CUX1: variants seen among roughly 807,000 people sequenced by gnomAD.
The protein encoded by CUX1 is cut like homeobox 1.
Under a neutral mutation model 158.8 loss-of-function variants are expected in CUX1, and 31 were observed. The ratio of observed to expected loss-of-function variants is 0.20; its 90% CI spans 0.15 to 0.26. The LOEUF (loss-of-function observed/expected upper bound fraction) is 0.26. Ranked by LOEUF, CUX1 falls within the 10% of genes least tolerant of loss-of-function variation. The pLI is 1.00. For synonymous variants in CUX1, 879 were observed against 862.1 expected, an observed-to-expected ratio of 1.02 and a Z score of -0.34; for missense variants, 1,589 against 2,014.6, an observed-to-expected ratio of 0.79 and a Z score of 4.04.
In CUX1 at chr7:102,256,451, C is replaced by T. The variant is rs1442650158; in HGVS notation, c.*7409C>T. 1.0e-6 allele frequency: 1 copy of T among 985,382 alleles called. No individual in the cohort carries two copies. The allele number at this position is 985,382 out of a possible 1,614,324, so 61.0% of individuals were successfully genotyped here. ...TCACTCTAGTGGTTACTATCCTCTG[C>T]CTTCCTCTCCTCCCCTACTCCCCCA... On this transcript the variant is annotated 3_prime_UTR_variant, in exon 24 of 24. Transcript: ENST00000292535.
chr7:102,103,235 C>T (rs73408043), intron 5 of CUX1, among the ~76,000 whole-genome samples: 2,424 of 152,286 alleles, frequency 0.016, 54 homozygotes, highest in African/African-American at 0.056. Flanking sequence ...GCACACAGCC[C>T]ATGACCACCA....
At chr7:101,994,338 C>T (rs959871138) in intron 2 of CUX1, among the ~76,000 whole-genome samples, 2 of 152,224 alleles carry the variant, frequency 1.3e-5, no homozygotes, top group East Asian at 3.8e-4. Context: ...GGCAGTAGCT[C>T]ATGCCTCTAA....
At chr7:101,911,458 C>A (rs1219690663) in intron 1 of CUX1, among the ~76,000 whole-genome samples, 1 of 152,066 alleles carries the variant, frequency 6.6e-6, no homozygotes, top group Non-Finnish European at 1.5e-5. Flanking sequence ...CAACCTGAGC[C>A]TTGGCAATTG....
chr7:101,984,089 AATATAT>A (rs1195893037), intron 2 of CUX1, among the ~76,000 whole-genome samples: 18 of 29,814 alleles, frequency 6.0e-4, no homozygotes, highest in African/African-American at 1.1e-3. Context: ...AAAAAAAAAA[AATATAT>A]ATATATATAT....
chr7:101,895,681 G>C (rs1305630242), intron 1 of CUX1, among the ~76,000 whole-genome samples: 1 of 152,112 alleles, frequency 6.6e-6, no homozygotes, highest in Non-Finnish European at 1.5e-5. Context: ...CTGAAGTCCT[G>C]AATCCCTTCA....
rs1213438024 is a variant in CUX1 at position 102,028,120 on chromosome 7, C to T, written c.164C>T (p.Pro55Leu). The T allele has an allele frequency of 2.5e-6, 4 of 1,612,328 alleles. No homozygotes were observed. The highest frequency in any genetic ancestry group is 1.3e-5 in the African/African-American group (1 of 74,850). ...TPEDLRKQVAPLLKSFQGEID... is the reference protein window; with the variant it reads ...TPEDLRKQVALLLKSFQGEID... ...CAGGATTTGCGCAAGCAGGTAGCGCCGCTGCTGAAGAGTTTCCAAGGAGAG... is the reference window on the plus strand; with the variant it reads ...CAGGATTTGCGCAAGCAGGTAGCGCTGCTGCTGAAGAGTTTCCAAGGAGAG... Residue 55 changes from proline (P) to leucine (L), a missense_variant, in exon 3 of 24, where the codon CCG becomes CTG. Physicochemically the swap from Pro to Leu is moderately conservative, Grantham distance 98 (BLOSUM62 -3). Around this residue, in one of 8 missense-constraint regions of CUX1, gnomAD observed 63 missense variants for 109.2 expected, o/e 0.58. Coordinates refer to ENST00000292535, the MANE Select transcript of CUX1 (RefSeq NM_181552.4).
At chr7:101,974,836 C>G (rs1812445125) in intron 2 of CUX1, among the ~76,000 whole-genome samples, 2 of 152,126 alleles carry the variant, frequency 1.3e-5, no homozygotes, top group East Asian at 3.8e-4. Context: ...GCGAGGAAGG[C>G]ATCTCAGGAG....
intron 23 of CUX1, among the ~76,000 whole-genome samples, chr7:102,246,457 C>T (rs782168260): frequency 2.0e-5 from 3 of 152,302 alleles, no homozygotes; most frequent in Middle Eastern, 3.4e-3. Context: ...AGATTCACAA[C>T]CCCCTGCACC....
intron 12 of CUX1, among the ~76,000 whole-genome samples, chr7:102,193,183 C>T (rs1286568794): frequency 1.3e-5 from 2 of 152,224 alleles, no homozygotes; most frequent in Admixed American, 6.5e-5. Context: ...GGGCAGTGGC[C>T]GCCCTGGTGG....
At position 102,257,334 on chromosome 7, in the gene CUX1, G is replaced by T. The variant is rs1554542389; in HGVS notation, c.*8292G>T. 3.1e-6 allele frequency: 3 copies of T among 980,304 alleles called. No homozygotes were observed. 60.7% of individuals were successfully genotyped at this position (980,304 alleles called of 1,614,324 possible). A position where few individuals can be genotyped will look rare whatever the true frequency, so the allele number is the denominator to read the frequency against. On this transcript the variant is annotated 3_prime_UTR_variant, in exon 24 of 24. Transcript: ENST00000292535. ...TTTTTTTTTCATTTTTCTCTAATTA[G>T]TCTATGCATTTCTCTCTCTCAAACC...
intron 2 of CUX1, among the ~76,000 whole-genome samples, chr7:101,979,007 CA>C (rs1813080149): frequency 6.6e-6 from 1 of 152,212 alleles, no homozygotes; most frequent in Non-Finnish European, 1.5e-5. Context: ...CCAGTGGTCA[CA>C]AATTACTGGG....
intron 1 of CUX1, among the ~76,000 whole-genome samples, chr7:101,839,623 C>T (rs1795006158): frequency 1.3e-5 from 2 of 151,260 alleles, no homozygotes; most frequent in South Asian, 4.2e-4. Flanking sequence ...TACTTGTCAG[C>T]TTTTCAGATT....
intron 23 of CUX1, among the ~76,000 whole-genome samples, chr7:102,246,049 C>A (rs1800774908): frequency 6.6e-6 from 1 of 152,126 alleles, no homozygotes; most frequent in Admixed American, 6.5e-5. Flanking sequence ...AATAACTTCT[C>A]CAAGTTGCAC....
At chr7:102,093,434 T>G (rs1828860250) in intron 4 of CUX1, among the ~76,000 whole-genome samples, 1 of 152,074 alleles carries the variant, frequency 6.6e-6, no homozygotes, top group Admixed American at 6.5e-5. Flanking sequence ...CAATGTTCCC[T>G]CCTCGGCCTC....
intron 1 of CUX1, among the ~76,000 whole-genome samples, chr7:101,906,887 C>T (rs969134186): frequency 1.3e-5 from 2 of 152,074 alleles, no homozygotes; most frequent in Non-Finnish European, 2.9e-5. Context: ...CCATCTTTGC[C>T]ACTCATCTGC....
At chr7:101,896,908 C>G (rs1244085898) in intron 1 of CUX1, among the ~76,000 whole-genome samples, 1 of 152,170 alleles carries the variant, frequency 6.6e-6, no homozygotes, top group Non-Finnish European at 1.5e-5. Flanking sequence ...TACGAGCAGT[C>G]AGTATTATCC....
rs192392187 is a variant in CUX1 at position 102,176,770 on chromosome 7, G to A, written c.829-1699G>A. Among the ~76,000 whole-genome samples, 38 of 151,306 alleles carry A rather than the reference G, an allele frequency of 2.5e-4. No individual in the cohort carries two copies. The East Asian group carries it at 6.9e-3, about 27-fold the overall frequency. ...TATTTTTTTGTAGAGATGGGTTTTCGCCATGTGGCCCAAGCTGGTCTCGAA... is the reference window on the plus strand; with the variant it reads ...TATTTTTTTGTAGAGATGGGTTTTCACCATGTGGCCCAAGCTGGTCTCGAA... On this transcript the variant is annotated intron_variant, in intron 10 of 23. Coordinates refer to ENST00000292535, the MANE Select transcript of CUX1 (RefSeq NM_181552.4).
Position 102,201,083 on chromosome 7 carries a change from A to AG in CUX1, c.2063-275dup, listed in dbSNP as rs1230118844. On this transcript the variant is annotated intron_variant, in intron 17 of 23. Coordinates refer to ENST00000292535, the MANE Select transcript of CUX1 (RefSeq NM_181552.4). This position sits in a 1 kb window ranked among gnomAD's most constrained non-coding sequence, Gnocchi z 5.0. ...TCGGGGAAAGGAGCCCCAGGAGGGCAGGTCGGGGAGCACTTTCACTGACAC... is the reference window on the plus strand; with the variant it reads ...TCGGGGAAAGGAGCCCCAGGAGGGCAGGGTCGGGGAGCACTTTCACTGACAC... Among the ~76,000 whole-genome samples the AG allele has an allele frequency of 4.0e-5, 6 of 148,426 alleles. No individual in the cohort carries two copies. The highest frequency in any genetic ancestry group is 6.0e-5 in the Non-Finnish European group (4 of 67,064).
At chr7:102,025,837 T>C (rs557353091) in intron 2 of CUX1, among the ~76,000 whole-genome samples, 1 of 152,212 alleles carries the variant, frequency 6.6e-6, no homozygotes, top group Non-Finnish European at 1.5e-5. Context: ...TTCTACAGGA[T>C]CACAATACAA....
Sources: gnomAD v4.1 joint callset for allele counts (sites outside exome capture counted in the v4.1 genomes callset) on GRCh38, gnomAD v4.1.1 for gene constraint, gnomAD v4.1.1 regional missense constraint, Gnocchi (gnomAD v3.1) non-coding constraint, MANE v1.5 for transcripts, NCBI Gene and HGNC (gene_info 2026-07-23, HGNC 2026-07-21) for gene names.